The following CD38 variants were observed in gnomAD, a reference collection of about 807,000 sequenced individuals.
CD38 encodes the protein ADP-ribosyl cyclase/cyclic ADP-ribose hydrolase 1.
CD38 carries 31 observed loss-of-function variants against 36.3 expected under a neutral mutation model. That is an observed-to-expected ratio of 0.85 (90% confidence interval 0.64 to 1.15). The LOEUF (loss-of-function observed/expected upper bound fraction) is 1.15, where lower values mean the gene tolerates loss of function less well. Among genes scored for constraint, CD38 ranks in the 50% most tolerant of loss-of-function variants. The probability of loss-of-function intolerance (pLI) is 0.00; values close to 1 mark genes in which losing one functional copy is unlikely to be tolerated. For missense variants in CD38, 380 were observed against 371.9 expected (o/e 1.02, Z -0.18); for synonymous variants, 131 against 135.2 (o/e 0.97, Z 0.22).
chr4:15,797,146 A>G (rs1395179578), intron 1 of CD38, among the ~76,000 whole-genome samples: 4 of 152,166 alleles, frequency 2.6e-5, no homozygotes, highest in African/African-American at 9.7e-5. Flanking sequence ...TGCTGGTCTG[A>G]TAAGGGAACG....
intron 1 of CD38, among the ~76,000 whole-genome samples, chr4:15,790,311 T>TCA (rs1722938344): frequency 6.6e-6 from 1 of 151,522 alleles, no homozygotes; most frequent in African/African-American, 2.4e-5. Context: ...GCCTGCCGAG[T>TCA]GCCTGCGCAC....
At position 15,848,872 on chromosome 4, in the gene CD38, G is replaced by A; in HGVS notation, c.*270G>A. On this transcript the variant is annotated 3_prime_UTR_variant, in exon 8 of 8. Transcript: ENST00000226279. ...TAAGTTACTTCACTTTAATTCTCAT[G>A]TGATCCTTTTATGTTATTTATATAT... is the stretch of plus-strand genomic sequence containing the variant. The A allele has an allele frequency of 6.8e-6, 2 of 294,572 alleles. No homozygotes were observed. Among genetic ancestry groups the A allele is most frequent in the Non-Finnish European group, 1.3e-5 (2 of 158,840 alleles). 18.2% of individuals were successfully genotyped at this position (294,572 alleles called of 1,614,324 possible).
intron 1 of CD38, among the ~76,000 whole-genome samples, chr4:15,795,953 A>G (rs1289201886): frequency 1.3e-5 from 2 of 152,138 alleles, no homozygotes; most frequent in Non-Finnish European, 2.9e-5. Flanking sequence ...CTATCAAGCA[A>G]ATATTATAAA....
Position 15,801,098 on chromosome 4 carries a change from T to A in CD38, c.234-15413T>A, listed in dbSNP as rs537379387. ...AGAACCAAATAAATGAAAAAGGAGA[T>A]GTTACAATTGATACCACAAAAATAT... On this transcript the variant is annotated intron_variant, in intron 1 of 7. Transcript: ENST00000226279. 2.6e-5 allele frequency among the ~76,000 whole-genome samples: 4 copies of A among 151,920 alleles called. No individual in the cohort carries two copies. The East Asian group carries it at 7.7e-4, about 29-fold the overall frequency.
intron 1 of CD38, among the ~76,000 whole-genome samples, chr4:15,800,805 AG>A (rs1723203911): frequency 6.6e-6 from 1 of 152,148 alleles, no homozygotes; most frequent in African/African-American, 2.4e-5. Flanking sequence ...CAGTACTAGG[AG>A]GAAAGTTCAT....
At chr4:15,828,122 C>T (rs957725488) in intron 3 of CD38, among the ~76,000 whole-genome samples, 1 of 152,122 alleles carries the variant, frequency 6.6e-6, no homozygotes, top group African/African-American at 2.4e-5. Flanking sequence ...TCAGGTGGTC[C>T]TCCTACCTTA....
intron 5 of CD38, among the ~76,000 whole-genome samples, chr4:15,838,568 C>T (rs77012699): frequency 0.014 from 2,067 of 152,296 alleles, 46 homozygotes; most frequent in African/African-American, 0.047. Context: ...CCATGAAGAC[C>T]TGCCTTGACC....
At chr4:15,829,942 A>G (rs927653430) in intron 3 of CD38, among the ~76,000 whole-genome samples, 2 of 152,138 alleles carry the variant, frequency 1.3e-5, no homozygotes, top group Non-Finnish European at 2.9e-5. Context: ...TTGTGGCTGA[A>G]TAGTACTCCA....
rs770453124 is a variant in CD38, at chr4:15,848,642, G to C, written c.*40G>C. The C allele has an allele frequency of 6.5e-7, 1 of 1,544,388 alleles. No homozygotes were observed. Among genetic ancestry groups the C allele is most frequent in the Non-Finnish European group, 9.0e-7 (1 of 1,117,140 alleles). On this transcript the variant is annotated 3_prime_UTR_variant, in exon 8 of 8. Coordinates refer to ENST00000226279, the MANE Select transcript of CD38 (RefSeq NM_001775.4). ...TTGTTTTAGCTCCTTGACTCCTTGT[G>C]GTTTATGTCATCATACATGACTCAG...
intron 1 of CD38, among the ~76,000 whole-genome samples, chr4:15,801,627 G>A (rs917059133): frequency 2.0e-5 from 3 of 152,128 alleles, no homozygotes; most frequent in Non-Finnish European, 2.9e-5. Flanking sequence ...AGGGATGCAA[G>A]AGTGGTTCAA....
chr4:15,832,352 G>A (rs1461737528), intron 3 of CD38, among the ~76,000 whole-genome samples: 1 of 152,022 alleles, frequency 6.6e-6, no homozygotes, highest in Non-Finnish European at 1.5e-5. Context: ...TCTAGGCATT[G>A]TATTTATTGT....
chr4:15,812,697 C>G (rs1723498568), intron 1 of CD38, among the ~76,000 whole-genome samples: 1 of 152,050 alleles, frequency 6.6e-6, no homozygotes, highest in Admixed American at 6.6e-5. Flanking sequence ...GAGATTCTGT[C>G]TCAAAAAAAC....
chr4:15,808,202 T>C (rs1005960969), intron 1 of CD38, among the ~76,000 whole-genome samples: 5 of 152,324 alleles, frequency 3.3e-5, no homozygotes, highest in African/African-American at 1.2e-4. Context: ...GAAAGCTCTA[T>C]TGGAAGAGGT....
intron 4 of CD38, among the ~76,000 whole-genome samples, chr4:15,837,342 G>GT (rs139942522): frequency 7.9e-5 from 12 of 150,980 alleles, no homozygotes; most frequent in African/African-American, 2.4e-4. Flanking sequence ...CAGAGGCCAT[G>GT]TTTTTTTTTA....
intron 3 of CD38, among the ~76,000 whole-genome samples, chr4:15,831,319 T>C (rs552285936): frequency 9.2e-5 from 14 of 152,222 alleles, no homozygotes; most frequent in Admixed American, 8.5e-4. Context: ...TTACACGTCA[T>C]AGTTACAGTG....
intron 3 of CD38, among the ~76,000 whole-genome samples, chr4:15,832,225 A>G (rs1723973828): frequency 6.6e-6 from 1 of 152,162 alleles, no homozygotes; most frequent in Non-Finnish European, 1.5e-5. Flanking sequence ...GCTATTTTGA[A>G]TTCTCTGTCT....
At chr4:15,839,678 C>T (rs1210348343) in intron 5 of CD38, among the ~76,000 whole-genome samples, 1 of 151,956 alleles carries the variant, frequency 6.6e-6, no homozygotes, top group Non-Finnish European at 1.5e-5. Context: ...CTGCCTCGGC[C>T]TCCCAAATTG....
Position 15,848,570 on chromosome 4 carries a change from C to G in CD38, c.871C>G (p.Pro291Ala). The change falls in exon 8 of 8, where the codon CCT (proline) becomes GCT (alanine). Residue 291 changes from proline (P) to alanine (A), a missense_variant. Physicochemically the swap from Pro to Ala is conservative, Grantham distance 27. Transcript: ENST00000226279. Reference protein sequence around the residue: ...PDKFLQCVKNPEDSSCTSEI With the variant: ...PDKFLQCVKNAEDSSCTSEI ...CAAGTTTCTTCAGTGTGTGAAAAAT[C>G]CTGAGGATTCATCTTGCACATCTGA... The G allele has an allele frequency of 1.2e-6, 2 of 1,613,800 alleles. No individual in the cohort carries two copies. The highest frequency in any genetic ancestry group is 1.7e-6 in the Non-Finnish European group (2 of 1,179,790).
chr4:15,804,661 C>T (rs1723304600), intron 1 of CD38, among the ~76,000 whole-genome samples: 1 of 151,924 alleles, frequency 6.6e-6, no homozygotes, highest in African/African-American at 2.4e-5. Flanking sequence ...GTGATATAAG[C>T]CAGGCACAGA....
Sources: gnomAD v4.1 joint callset for allele counts (sites outside exome capture counted in the v4.1 genomes callset) on GRCh38, gnomAD v4.1.1 for gene constraint, MANE v1.5 for transcripts, NCBI Gene and HGNC (gene_info 2026-07-23, HGNC 2026-07-21) for gene names.